Variants in ARID2 observed in about 807,000 individuals in gnomAD.
ARID2 encodes AT-rich interaction domain 2.
ARID2 carries 32 observed loss-of-function variants against 184.6 expected under a neutral mutation model. The observed-to-expected ratio is 0.17, with a 90% CI of 0.13 to 0.23. The LOEUF (loss-of-function observed/expected upper bound fraction) is 0.23, where lower values mean the gene tolerates loss of function less well. ARID2 is among the 10% of genes least tolerant of loss of function. The pLI is 1.00. For missense variants in ARID2, 1,696 were observed against 2,197.6 expected (o/e 0.77, Z 4.56); for synonymous variants, 836 against 772.6 (o/e 1.08, Z -1.36).
At chr12:45,778,592 G>A (rs930274268) in intron 3 of ARID2, among the ~76,000 whole-genome samples, 1 of 152,108 alleles carries the variant, frequency 6.6e-6, no homozygotes, top group Non-Finnish European at 1.5e-5. Context: ...TATATACAGT[G>A]TATGTAGTTT....
chr12:45,741,384 G>C lies in ARID2; in HGVS notation c.284+10070G>C, dbSNP rs143919488. On this transcript the variant is annotated intron_variant, in intron 3 of 20. Transcript: ENST00000334344. ...AGCTAGTTTTTTGTAGTTTTATAGA[G>C]ATAGGGTTGTGCCATTTTGCTCAGG... Among the ~76,000 whole-genome samples the C allele has an allele frequency of 5.4e-3, 829 of 152,206 alleles. 7 individuals carry two copies. The highest frequency in any genetic ancestry group is 0.019 in the African/African-American group (791 of 41,530).
intron 6 of ARID2, among the ~76,000 whole-genome samples, chr12:45,830,078 A>G (rs1056225075): frequency 2.7e-5 from 4 of 149,376 alleles, no homozygotes; most frequent in South Asian, 4.1e-4. Context: ...ATATAAATAT[A>G]TAGAAACAAA....
chr12:45,787,771 T>C (rs549302999), intron 3 of ARID2, among the ~76,000 whole-genome samples: 2 of 152,256 alleles, frequency 1.3e-5, no homozygotes, highest in South Asian at 4.1e-4. Context: ...AGAATAATTA[T>C]ATTAATATAG....
intron 15 of ARID2, among the ~76,000 whole-genome samples, chr12:45,859,356 G>C (rs1943704121): frequency 6.6e-6 from 1 of 152,122 alleles, no homozygotes; most frequent in Non-Finnish European, 1.5e-5. Context: ...GTATGTAGTA[G>C]GCTATATCAT....
At chr12:45,824,473 A>G (rs1423425879) in intron 6 of ARID2, among the ~76,000 whole-genome samples, 3 of 152,026 alleles carry the variant, frequency 2.0e-5, no homozygotes, top group Admixed American at 2.0e-4. Flanking sequence ...AAGTTGCAGG[A>G]TACATTTCTT....
chr12:45,905,198 C>CT lies in ARID2; in HGVS notation c.*120_*121insT. The CT allele has an allele frequency of 1.0e-5, 10 of 1,004,070 alleles. No individual in the cohort carries two copies. Among genetic ancestry groups the CT allele is most frequent in the South Asian group, 4.4e-5 (2 of 45,582 alleles). The allele number at this position is 1,004,070 out of a possible 1,614,324, so 62.2% of individuals were successfully genotyped here. A position where few individuals can be genotyped will look rare whatever the true frequency, so the allele number is the denominator to read the frequency against. On this transcript the variant is annotated 3_prime_UTR_variant, in exon 21 of 21. Coordinates refer to ENST00000334344, the MANE Select transcript of ARID2 (RefSeq NM_152641.4). ...CATAGAATGAATTATTTTATCTCCT[C>CT]CCATGATGCTGAGAGGAAGCTTCGT...
chr12:45,753,251 G>A (rs1214262722), intron 3 of ARID2, among the ~76,000 whole-genome samples: 1 of 151,824 alleles, frequency 6.6e-6, no homozygotes, highest in East Asian at 1.9e-4. Context: ...AGCTAAGATT[G>A]TGCCAGTGCA....
chr12:45,836,499 A>T, intron 6 of ARID2, 90 bp from the exon 7 acceptor site: 1 of 1,218,018 alleles, frequency 8.2e-7, no homozygotes, highest in Non-Finnish European at 1.1e-6. Flanking sequence ...TACAGGCATG[A>T]GCCACCATAC....
At chr12:45,890,186 C>T (rs1454809593) in intron 16 of ARID2, among the ~76,000 whole-genome samples, 1 of 152,162 alleles carries the variant, frequency 6.6e-6, no homozygotes, top group Non-Finnish European at 1.5e-5. Flanking sequence ...GACTAATGAA[C>T]ACTTAAAAAT....
intron 6 of ARID2, among the ~76,000 whole-genome samples, chr12:45,831,059 G>C (rs1316268766): frequency 6.6e-6 from 1 of 150,632 alleles, no homozygotes; most frequent in Non-Finnish European, 1.5e-5. Flanking sequence ...AAAAAAAAAG[G>C]CATTAGAAGA....
chr12:45,801,474 G>A (rs1942500890), intron 3 of ARID2, among the ~76,000 whole-genome samples: 1 of 152,104 alleles, frequency 6.6e-6, no homozygotes. Context: ...AAAGGAAAAG[G>A]ATAACTTCAT....
chr12:45,890,909 G>A (rs1483861279), intron 16 of ARID2, among the ~76,000 whole-genome samples: 1 of 152,086 alleles, frequency 6.6e-6, no homozygotes, highest in East Asian at 1.9e-4. Flanking sequence ...GCTCATACCT[G>A]TAATCCCAGC....
chr12:45,893,389 C>T (rs1386122228), intron 18 of ARID2, 31 bp from the exon 19 acceptor site: 2 of 376,066 alleles, frequency 5.3e-6, no homozygotes, highest in Non-Finnish European at 8.0e-6. Context: ...CACGTTAATT[C>T]TCTCTCTCTC....
chr12:45,730,164 C>T, intron 2 of ARID2, 27 bp downstream of exon 2: 5 of 1,608,742 alleles, frequency 3.1e-6, no homozygotes, highest in South Asian at 1.1e-5. Flanking sequence ...ATTTGTATTT[C>T]CCTCTCGCTG....
chr12:45,740,855 T>C (rs1297933916), intron 3 of ARID2, among the ~76,000 whole-genome samples: 1 of 152,188 alleles, frequency 6.6e-6, no homozygotes, highest in African/African-American at 2.4e-5. Context: ...TTGTCTAATA[T>C]TTTTTCAGGA....
At chr12:45,849,374 C>T (rs766148710) in intron 13 of ARID2, among the ~76,000 whole-genome samples, 14 of 152,038 alleles carry the variant, frequency 9.2e-5, no homozygotes, top group Non-Finnish European at 1.6e-4. Flanking sequence ...TAAAACCCAG[C>T]GACATTGTTA....
rs372077910 is a variant in ARID2, at chr12:45,821,881, G to C, written c.705+394G>C. On this transcript the variant is annotated intron_variant, in intron 6 of 20. Coordinates refer to ENST00000334344, the MANE Select transcript of ARID2 (RefSeq NM_152641.4). ...CAAAAAGAATAGGTGTAAAAGATTA[G>C]TAAGTGTCCATCTAGAGGAAAATTT... 2.6e-5 allele frequency among the ~76,000 whole-genome samples: 4 copies of C among 152,160 alleles called. No individual in the cohort carries two copies. In the South Asian group the frequency reaches 6.2e-4, roughly 24 times the overall value.
chr12:45,768,078 C>T (rs1941805133), intron 3 of ARID2, among the ~76,000 whole-genome samples: 1 of 152,208 alleles, frequency 6.6e-6, no homozygotes, highest in African/African-American at 2.4e-5. Context: ...AACCAAGACC[C>T]ACTCCTTTTC....
chr12:45,834,518 G>A lies in ARID2; in HGVS notation c.706-2071G>A, dbSNP rs141787085. 3.3e-3 allele frequency among the ~76,000 whole-genome samples: 505 copies of A among 152,250 alleles called. 2 individuals carry two copies. Among genetic ancestry groups the A allele is most frequent in the African/African-American group, 0.012 (490 of 41,542 alleles). On this transcript the variant is annotated intron_variant, in intron 6 of 20. Transcript: ENST00000334344. ...AGCACTTTGGGAGGCCGAGATGGGCGGATCACCTGAGGTTAGGACTTCACG... is the reference window on the plus strand; with the variant it reads ...AGCACTTTGGGAGGCCGAGATGGGCAGATCACCTGAGGTTAGGACTTCACG...
Sources: allele counts gnomAD v4.1 joint callset (sites outside exome capture counted in the v4.1 genomes callset), GRCh38; gene constraint gnomAD v4.1.1; transcripts MANE v1.5; gene names NCBI Gene and HGNC (gene_info 2026-07-23, HGNC 2026-07-21).